Variants in LRRC4C observed in about 807,000 individuals in gnomAD.
LRRC4C encodes the protein leucine-rich repeat-containing protein 4C.
In LRRC4C, 5 loss-of-function variants were observed where a neutral mutation model predicts 33.6. That is an observed-to-expected ratio of 0.15 (90% confidence interval 0.08 to 0.31). LRRC4C has a LOEUF of 0.31. LRRC4C is among the 10% of genes least tolerant of loss of function. LRRC4C has a pLI of 1.00. For synonymous variants in LRRC4C, 329 were observed against 302.0 expected (o/e 1.09, Z -0.93); for missense variants, 560 against 796.7 (o/e 0.70, Z 3.58).
At chr11:41,082,278 T>C (rs553202429) in intron 1 of LRRC4C, among the ~76,000 whole-genome samples, 9 of 152,330 alleles carry the variant, frequency 5.9e-5, no homozygotes, top group African/African-American at 1.9e-4. Flanking sequence ...CAGACTGTTC[T>C]CCTGCTGGAC....
At position 40,476,174 on chromosome 11, in the gene LRRC4C, A is replaced by AGT. The variant is rs1267463864; in HGVS notation, c.-269-156455_-269-156454dup. ...ATATTCTTTGTGTATTCCAACTAGA[A>AGT]GTGTGTGTGTGCATGTGTGGGTGTA... On this transcript the variant is annotated intron_variant, in intron 3 of 6. Coordinates refer to ENST00000528697, the MANE Select transcript of LRRC4C (RefSeq NM_001258419.2). 2.6e-5 allele frequency among the ~76,000 whole-genome samples: 4 copies of AGT among 152,080 alleles called. No individual in the cohort carries two copies. In the East Asian group the frequency reaches 7.8e-4, roughly 29 times the overall value.
chr11:41,418,423 C>G (rs1050698634), intron 1 of LRRC4C, among the ~76,000 whole-genome samples: 7 of 151,898 alleles, frequency 4.6e-5, no homozygotes, highest in Non-Finnish European at 8.8e-5. Flanking sequence ...AAATGCATTT[C>G]CTCGAGGAAT....
intron 1 of LRRC4C, among the ~76,000 whole-genome samples, chr11:41,004,669 A>G (rs796664367): frequency 2.0e-5 from 3 of 152,294 alleles, no homozygotes; most frequent in African/African-American, 7.2e-5. Flanking sequence ...TAGGTAAACA[A>G]TGAGTGAATG....
chr11:40,320,920 T>C lies in LRRC4C; in HGVS notation c.-269-1199A>G, dbSNP rs181312148. The stretch of plus-strand genomic sequence containing the variant: ...TTCTCTCTCGAGCATGAGTTATTTG[T>C]AGGTAAGTTATACTAAGGTGGTTGT... On this transcript the variant is annotated intron_variant, in intron 3 of 6. Coordinates refer to ENST00000528697, the MANE Select transcript of LRRC4C (RefSeq NM_001258419.2). Among the ~76,000 whole-genome samples the C allele has an allele frequency of 3.5e-4, 54 of 152,302 alleles. 1 individual carries two copies. Among genetic ancestry groups the C allele is most frequent in the African/African-American group, 1.3e-3 (54 of 41,584 alleles).
chr11:40,568,505 G>C (rs1957852432), intron 3 of LRRC4C, among the ~76,000 whole-genome samples: 1 of 152,154 alleles, frequency 6.6e-6, no homozygotes, highest in Non-Finnish European at 1.5e-5. Flanking sequence ...AAGTTTTGGG[G>C]TACATTTTCA....
intron 5 of LRRC4C, among the ~76,000 whole-genome samples, chr11:40,215,704 C>G (rs1478458534): frequency 6.6e-6 from 1 of 152,156 alleles, no homozygotes; most frequent in East Asian, 1.9e-4. Context: ...AAGACATGCC[C>G]TTGGTCTTGA....
At chr11:41,077,628 C>T (rs1939253582) in intron 1 of LRRC4C, among the ~76,000 whole-genome samples, 1 of 152,138 alleles carries the variant, frequency 6.6e-6, no homozygotes, top group Admixed American at 6.5e-5. Flanking sequence ...AATTTTCCTT[C>T]TTACACCTGG....
At chr11:40,142,384 T>A (rs556646451) in intron 5 of LRRC4C, among the ~76,000 whole-genome samples, 1 of 151,654 alleles carries the variant, frequency 6.6e-6, no homozygotes. Flanking sequence ...ATATGAAATA[T>A]GAATCGGAAT....
rs12419540 is a variant in LRRC4C, at chr11:41,128,212, A to G, written c.-495-194489T>C. On this transcript the variant is annotated intron_variant, in intron 1 of 6. Coordinates refer to ENST00000528697, the MANE Select transcript of LRRC4C (RefSeq NM_001258419.2). ...TTCCCTGGGACATGAGGTTGTTATTATAGATGAGTTGAATAATTCCTTCAT... is the reference window on the plus strand; with the variant it reads ...TTCCCTGGGACATGAGGTTGTTATTGTAGATGAGTTGAATAATTCCTTCAT... Among the ~76,000 whole-genome samples, 963 of 152,146 alleles carry G rather than the reference A, an allele frequency of 6.3e-3. 34 individuals carry two copies. In the East Asian group the frequency reaches 0.075, roughly 12 times the overall value.
chr11:40,169,437 A>G (rs893978175), intron 5 of LRRC4C, among the ~76,000 whole-genome samples: 1 of 152,190 alleles, frequency 6.6e-6, no homozygotes, highest in Middle Eastern at 3.2e-3. Flanking sequence ...TTTGGGGTAG[A>G]GAGTGAGTCA....
chr11:40,260,883 T>C (rs1867657172), intron 4 of LRRC4C, among the ~76,000 whole-genome samples: 1 of 152,124 alleles, frequency 6.6e-6, no homozygotes, highest in South Asian at 2.1e-4. Flanking sequence ...CAAAAAATTC[T>C]TTTTTTATTT....
intron 2 of LRRC4C, among the ~76,000 whole-genome samples, chr11:40,783,894 T>C (rs2137301854): frequency 6.6e-6 from 1 of 152,242 alleles, no homozygotes; most frequent in Non-Finnish European, 1.5e-5. Context: ...TTGTAAAATG[T>C]GATAAAACCA....
chr11:40,351,657 A>C (rs1290866498), intron 3 of LRRC4C: 1 of 151,926 alleles, frequency 6.6e-6, no homozygotes, highest in Admixed American at 6.6e-5. Flanking sequence ...TCACTACTAA[A>C]CTTGACTACT....
chr11:41,230,571 T>C (rs571197189), intron 1 of LRRC4C, among the ~76,000 whole-genome samples: 1 of 152,272 alleles, frequency 6.6e-6, no homozygotes, highest in East Asian at 1.9e-4. Flanking sequence ...ATTAGCCAAA[T>C]TGACATCCAT....
intron 1 of LRRC4C, among the ~76,000 whole-genome samples, chr11:41,258,428 C>A (rs1336212849): frequency 1.3e-5 from 2 of 151,952 alleles, no homozygotes; most frequent in African/African-American, 4.8e-5. Context: ...AGTAGCAACA[C>A]AAACAGATCT....
At chr11:40,770,941 C>A (rs1949729071) in intron 2 of LRRC4C, among the ~76,000 whole-genome samples, 1 of 152,112 alleles carries the variant, frequency 6.6e-6, no homozygotes, top group African/African-American at 2.4e-5. Context: ...CATTGAGTAC[C>A]TGTGGCTTTT....
At chr11:40,430,515 C>T (rs564773200) in intron 3 of LRRC4C, among the ~76,000 whole-genome samples, 4 of 152,196 alleles carry the variant, frequency 2.6e-5, no homozygotes, top group East Asian at 1.9e-4. Context: ...CATGGTCAGA[C>T]GAACCCATTT....
intron 1 of LRRC4C, among the ~76,000 whole-genome samples, chr11:41,215,868 T>G (rs984228850): frequency 1.3e-4 from 20 of 152,222 alleles, no homozygotes; most frequent in African/African-American, 4.8e-4. Context: ...GGGGGACATA[T>G]GCTTAGGAGT....
At chr11:40,629,368 GA>G (rs1963257249) in intron 3 of LRRC4C, among the ~76,000 whole-genome samples, 1 of 151,924 alleles carries the variant, frequency 6.6e-6, no homozygotes, top group Non-Finnish European at 1.5e-5. Context: ...TCATGCCCTT[GA>G]AAAAAATGTA....
Sources: allele counts gnomAD v4.1 joint callset (sites outside exome capture counted in the v4.1 genomes callset), GRCh38; gene constraint gnomAD v4.1.1; transcripts MANE v1.5; gene names NCBI Gene and HGNC (gene_info 2026-07-23, HGNC 2026-07-21).